The following ROBO1 variants were observed in gnomAD, a reference collection of about 807,000 sequenced individuals.
The protein encoded by ROBO1 is roundabout guidance receptor 1.
ROBO1 carries 149 observed loss-of-function variants against 195.9 expected under a neutral mutation model. The observed-to-expected ratio is 0.76, with a 90% CI of 0.67 to 0.87. The LOEUF (loss-of-function observed/expected upper bound fraction) is 0.87. Among genes scored for constraint, ROBO1 ranks in the 40% least tolerant of loss-of-function variants. ROBO1 has a pLI of 0.00. For synonymous variants in ROBO1, 816 were observed against 733.2 expected, an observed-to-expected ratio of 1.11 and a Z score of -1.82; for missense variants, 1,933 against 2,068.3, an observed-to-expected ratio of 0.93 and a Z score of 1.27.
At chr3:78,869,433 G>C (rs2035406858) in intron 4 of ROBO1, among the ~76,000 whole-genome samples, 1 of 152,100 alleles carries the variant, frequency 6.6e-6, no homozygotes. Flanking sequence ...TTAGTGTATA[G>C]CTCATCAACA....
chr3:79,352,986 A>G (rs1362015262), intron 2 of ROBO1, among the ~76,000 whole-genome samples: 1 of 152,174 alleles, frequency 6.6e-6, no homozygotes, highest in East Asian at 1.9e-4. Flanking sequence ...TGTACTGATT[A>G]CAGAGAGTTA....
Position 78,600,131 on chromosome 3 carries a change from A to G in ROBO1, c.4923T>C (p.Asp1641=), listed in dbSNP as rs371759221. Residue 1641 remains aspartate (D), a synonymous_variant, in exon 30 of 31, where the codon GAT becomes GAC. Coordinates refer to ENST00000464233, the MANE Select transcript of ROBO1 (RefSeq NM_002941.4). ...TAGATACCTCTAATTCTTCATTATTATCTTCTCCTCTTTCATATCCTCCAA... is the reference window on the plus strand; with the variant it reads ...TAGATACCTCTAATTCTTCATTATTGTCTTCTCCTCTTTCATATCCTCCAA... ...QVLGGYERGE[D]NNEELEETES 8.7e-6 allele frequency: 14 copies of G among 1,612,564 alleles called. No homozygotes were observed. The highest frequency in any genetic ancestry group is 1.1e-5 in the Non-Finnish European group (13 of 1,178,948).
At chr3:78,993,991 A>C (rs969519404) in intron 3 of ROBO1, among the ~76,000 whole-genome samples, 5 of 139,370 alleles carry the variant, frequency 3.6e-5, no homozygotes, top group African/African-American at 1.5e-4. Flanking sequence ...TACCAGCTTT[A>C]AAAAAAAAAA....
At chr3:78,806,965 A>C (rs1397204088) in intron 4 of ROBO1, among the ~76,000 whole-genome samples, 1 of 151,946 alleles carries the variant, frequency 6.6e-6, no homozygotes, top group Non-Finnish European at 1.5e-5. Flanking sequence ...ACACCACCAC[A>C]CCTGGCTAAT....
At chr3:79,157,442 C>G (rs959065785) in intron 2 of ROBO1, among the ~76,000 whole-genome samples, 3 of 151,802 alleles carry the variant, frequency 2.0e-5, no homozygotes, top group Admixed American at 2.0e-4. Context: ...TCAGCTCAGG[C>G]CAGAGAGCTG....
chr3:79,084,293 G>A (rs1359849710), intron 3 of ROBO1, among the ~76,000 whole-genome samples: 2 of 152,304 alleles, frequency 1.3e-5, no homozygotes, highest in African/African-American at 4.8e-5. Context: ...GAGGTCAGGA[G>A]TTCGAGATCA....
intron 2 of ROBO1, among the ~76,000 whole-genome samples, chr3:79,254,452 ACACACATT>A (rs761973211): frequency 1.3e-3 from 191 of 152,132 alleles, no homozygotes; most frequent in Non-Finnish European, 1.5e-3. Context: ...AAGGAAGCTC[ACACACATT>A]CACACACTCA....
chr3:79,323,721 T>C (rs1018353443), intron 2 of ROBO1, among the ~76,000 whole-genome samples: 1 of 152,216 alleles, frequency 6.6e-6, no homozygotes, highest in Non-Finnish European at 1.5e-5. Flanking sequence ...ATAAATTTAT[T>C]CTTTATCACT....
intron 2 of ROBO1, among the ~76,000 whole-genome samples, chr3:79,582,024 G>A (rs1353737132): frequency 2.6e-5 from 4 of 151,740 alleles, no homozygotes; most frequent in Non-Finnish European, 4.4e-5. Flanking sequence ...ATATACATAT[G>A]CACACATATA....
At chr3:78,886,851 G>A (rs762852254) in intron 4 of ROBO1, among the ~76,000 whole-genome samples, 2 of 152,010 alleles carry the variant, frequency 1.3e-5, no homozygotes. Flanking sequence ...GTATGACTTT[G>A]GGAGAGACAC....
intron 2 of ROBO1, among the ~76,000 whole-genome samples, chr3:79,356,421 A>T (rs186299831): frequency 3.3e-5 from 5 of 152,322 alleles, no homozygotes; most frequent in Admixed American, 3.3e-4. Context: ...AATCAAATCA[A>T]TCTTTTGACC....
intron 14 of ROBO1, among the ~76,000 whole-genome samples, chr3:78,666,416 T>C (rs1026131764): frequency 1.3e-5 from 2 of 152,210 alleles, no homozygotes; most frequent in South Asian, 4.1e-4. Context: ...ATCATGCATG[T>C]GAGTACAGGA....
chr3:79,635,396 T>C (rs925804205), intron 1 of ROBO1, among the ~76,000 whole-genome samples: 8 of 152,162 alleles, frequency 5.3e-5, no homozygotes, highest in Non-Finnish European at 1.2e-4. Context: ...AAGTGATTCA[T>C]TATTGCTAGT....
chr3:79,225,854 A>T (rs926467042), intron 2 of ROBO1, among the ~76,000 whole-genome samples: 6 of 152,008 alleles, frequency 3.9e-5, no homozygotes, highest in Non-Finnish European at 4.4e-5. Context: ...ACATCCTGGG[A>T]CCATTAATTA....
At chr3:79,506,217 C>T (rs1940386215) in intron 2 of ROBO1, among the ~76,000 whole-genome samples, 1 of 151,954 alleles carries the variant, frequency 6.6e-6, no homozygotes, top group Non-Finnish European at 1.5e-5. Context: ...CCTTTCGTAG[C>T]AGTGAGGAAT....
Position 79,252,855 on chromosome 3 carries a change from T to C in ROBO1, c.89-127316A>G, listed in dbSNP as rs957434925. 9.9e-5 allele frequency among the ~76,000 whole-genome samples: 15 copies of C among 152,106 alleles called. 1 individual carries two copies. The highest frequency in any genetic ancestry group is 9.8e-4 in the Admixed American group (15 of 15,270). ...ACGCAGCCACACATATGCAATCATATCATTAATCCACATTTTTTTTCACAT... is the reference window on the plus strand; with the variant it reads ...ACGCAGCCACACATATGCAATCATACCATTAATCCACATTTTTTTTCACAT... On this transcript the variant is annotated intron_variant, in intron 2 of 30. Coordinates refer to ENST00000464233, the MANE Select transcript of ROBO1 (RefSeq NM_002941.4).
intron 2 of ROBO1, among the ~76,000 whole-genome samples, chr3:79,560,535 TTA>T (rs549034591): frequency 0.032 from 3,649 of 115,078 alleles, 108 homozygotes; most frequent in Non-Finnish European, 0.042. Flanking sequence ...ATAATAATAA[TTA>T]TATATATATA....
chr3:79,407,262 T>C (rs2037585467), intron 2 of ROBO1, among the ~76,000 whole-genome samples: 1 of 152,084 alleles, frequency 6.6e-6, no homozygotes, highest in African/African-American at 2.4e-5. Context: ...CATTACAGAA[T>C]AGAAGACATT....
At chr3:79,291,558 T>C (rs901601008) in intron 2 of ROBO1, among the ~76,000 whole-genome samples, 1 of 152,194 alleles carries the variant, frequency 6.6e-6, no homozygotes. Flanking sequence ...TTTTCAATTA[T>C]ATACTTCTCC....
Sources: gnomAD v4.1 joint callset for allele counts (sites outside exome capture counted in the v4.1 genomes callset) on GRCh38, gnomAD v4.1.1 for gene constraint, MANE v1.5 for transcripts, NCBI Gene and HGNC (gene_info 2026-07-23, HGNC 2026-07-21) for gene names.